The following PRR5 variants were observed in gnomAD, a reference collection of about 807,000 sequenced individuals.
PRR5 encodes the protein proline rich 5, also known as proline-rich protein 5.
PRR5 carries 25 observed loss-of-function variants against 30.6 expected under a neutral mutation model. The ratio of observed to expected loss-of-function variants is 0.82; its 90% CI spans 0.60 to 1.14. PRR5 has a LOEUF of 1.14. PRR5 is among the 50% of genes most tolerant of loss of function. The pLI, the probability that PRR5 is intolerant of heterozygous loss-of-function variation, is 0.00. For synonymous variants in PRR5, 286 were observed against 247.1 expected (o/e 1.16, Z -1.48); for missense variants, 600 against 547.1 (o/e 1.10, Z -0.96).
chr22:44,715,225 A>G (rs1077166), intron 2 of PRR5, among the ~76,000 whole-genome samples: 37,498 of 152,034 alleles, frequency 0.25, 5,324 homozygotes, highest in Admixed American at 0.41. Flanking sequence ...TAGGGTTGCC[A>G]TTTGTAGTGG....
intron 2 of PRR5, among the ~76,000 whole-genome samples, chr22:44,715,077 G>A (rs182766539): frequency 1.9e-3 from 289 of 152,302 alleles, no homozygotes; most frequent in Non-Finnish European, 3.2e-3. Context: ...TGTTATTCCC[G>A]GAAAAGCAAT....
chr22:44,734,722 A>G, intron 6 of PRR5: 2 of 425,070 alleles, frequency 4.7e-6, no homozygotes, highest in Non-Finnish European at 8.6e-6. Context: ...TCTTGAGTAC[A>G]GGGCCCCTCC....
At chr22:44,710,590 C>G (rs1928050888) in intron 1 of PRR5, among the ~76,000 whole-genome samples, 1 of 152,162 alleles carries the variant, frequency 6.6e-6, no homozygotes, top group African/African-American at 2.4e-5. Context: ...GACCCTCCCA[C>G]CCTCCTCGCC....
At chr22:44,726,468 CT>C in intron 3 of PRR5, 108 bp from the exon 4 acceptor site, 1 of 1,520,938 alleles carries the variant, frequency 6.6e-7, no homozygotes. Flanking sequence ...TCTCCTCCCC[CT>C]TTAAGCCTTG....
intron 2 of PRR5, among the ~76,000 whole-genome samples, chr22:44,718,311 C>T (rs1297883026): frequency 1.4e-5 from 2 of 147,844 alleles, no homozygotes; most frequent in Non-Finnish European, 3.0e-5. Context: ...TCTTGTGCCT[C>T]AGCCTCCCGA....
At chr22:44,717,862 T>A (rs150654150) in intron 2 of PRR5, among the ~76,000 whole-genome samples, 65 of 152,038 alleles carry the variant, frequency 4.3e-4, no homozygotes, top group African/African-American at 1.6e-3. Flanking sequence ...ATTACAGGCA[T>A]GTGCCACCAC....
At chr22:44,695,180 TAATAA>T (rs1456159373) in intron 1 of PRR5, among the ~76,000 whole-genome samples, 1 of 151,806 alleles carries the variant, frequency 6.6e-6, no homozygotes, top group South Asian at 2.1e-4. Flanking sequence ...CAAAAAATAA[TAATAA>T]AATAAGAAGG....
chr22:44,734,972 G>A, intron 6 of PRR5, 55 bp from the exon 7 acceptor site: 1 of 1,554,602 alleles, frequency 6.4e-7, no homozygotes, highest in Non-Finnish European at 8.8e-7. Context: ...TTGAGAGCCT[G>A]GAGCCACCAA....
chr22:44,674,953 A>T (rs1284714062), upstream of PRR5, among the ~76,000 whole-genome samples: 3 of 143,452 alleles, frequency 2.1e-5, no homozygotes, highest in Non-Finnish European at 4.6e-5. Context: ...CTCAAAAAAA[A>T]AAAGAAAGAA....
rs540916101 is a variant in PRR5 at position 44,691,039 on chromosome 22, G to A, written c.-10-11453G>A. ...AGGCATCCTGGGTGCCCAAGTGAAC[G>A]TGCTGGCAGCCTCGGGAAGGTGGAT... On this transcript the variant is annotated intron_variant, in intron 1 of 8. Transcript: ENST00000006251. The surrounding 1 kb of genome is among the most constrained non-coding windows in gnomAD (Gnocchi z 4.4). 5.3e-5 allele frequency among the ~76,000 whole-genome samples: 8 copies of A among 152,140 alleles called. No individual in the cohort carries two copies. Among genetic ancestry groups the A allele is most frequent in the South Asian group, 2.1e-4 (1 of 4,810 alleles).
intron 2 of PRR5, among the ~76,000 whole-genome samples, chr22:44,717,489 G>A (rs1179406555): frequency 6.6e-6 from 1 of 152,090 alleles, no homozygotes; most frequent in Non-Finnish European, 1.5e-5. Context: ...ACCATGCCCG[G>A]TATCCAGGAG....
At chr22:44,687,778 G>A (rs1924880836) in intron 1 of PRR5, among the ~76,000 whole-genome samples, 1 of 152,004 alleles carries the variant, frequency 6.6e-6, no homozygotes, top group Non-Finnish European at 1.5e-5. Flanking sequence ...CTGAGGTTGT[G>A]TTTTGTTTTG....
chr22:44,675,538 C>T (rs1398770069), upstream of PRR5, among the ~76,000 whole-genome samples: 1 of 152,148 alleles, frequency 6.6e-6, no homozygotes, highest in African/African-American at 2.4e-5. Context: ...TTGGAGCCCG[C>T]CTTTCAGTGG....
At chr22:44,695,653 C>T (rs1925679395) in intron 1 of PRR5, among the ~76,000 whole-genome samples, 1 of 152,108 alleles carries the variant, frequency 6.6e-6, no homozygotes, top group Non-Finnish European at 1.5e-5. Flanking sequence ...GGCTGGAGTG[C>T]AATGGCTCAG....
chr22:44,730,428 G>T, intron 4 of PRR5: 1 of 985,438 alleles, frequency 1.0e-6, no homozygotes, highest in Non-Finnish European at 1.2e-6. Context: ...GCTCCGCTCA[G>T]TCCAGGCAGA....
At chr22:44,676,374 C>T (rs1415401694), upstream of PRR5, among the ~76,000 whole-genome samples, 1 of 93,452 alleles carries the variant, frequency 1.1e-5, no homozygotes, top group Admixed American at 1.8e-4. Context: ...CTGGGCAACA[C>T]AGTGAGACCC....
chr22:44,672,445 G>T (rs367563738), upstream of PRR5, among the ~76,000 whole-genome samples: 1 of 152,116 alleles, frequency 6.6e-6, no homozygotes, highest in Non-Finnish European at 1.5e-5. Context: ...TTAGCCAGGC[G>T]TGGTGGCACA....
rs571624187 is a variant in PRR5, at chr22:44,732,541, C to T, written c.555+150C>T. The T allele has an allele frequency of 1.7e-5, 22 of 1,263,920 alleles. 1 individual carries two copies. Among genetic ancestry groups the T allele is most frequent in the South Asian group, 8.8e-5 (6 of 67,820 alleles). The allele number at this position is 1,263,920 out of a possible 1,614,324, so 78.3% of individuals were successfully genotyped here. ...GGAGAAGCCTGTCAGGGCCAGGGAC[C>T]GGGGAGCAGCTGGTCAGAGCTGTGG... On this transcript the variant is annotated intron_variant, in intron 6 of 7. Coordinates refer to ENST00000336985, the MANE Select transcript of PRR5 (RefSeq NM_181333.4).
intron 1 of PRR5, chr22:44,679,900 A>G: frequency 6.4e-7 from 1 of 1,565,572 alleles, no homozygotes; most frequent in South Asian, 1.2e-5. Flanking sequence ...CACTGTGCCG[A>G]AGGGTGGCTA....
Sources: gnomAD v4.1 joint callset for allele counts (sites outside exome capture counted in the v4.1 genomes callset) on GRCh38, gnomAD v4.1.1 for gene constraint, Gnocchi (gnomAD v3.1) non-coding constraint, MANE v1.5 for transcripts, NCBI Gene and HGNC (gene_info 2026-07-23, HGNC 2026-07-21) for gene names.